Variants in CDH13 observed in about 807,000 individuals in gnomAD.
The protein encoded by CDH13 is cadherin-13.
CDH13 carries 24 observed loss-of-function variants against 63.8 expected under a neutral mutation model. The observed-to-expected ratio is 0.38, with a 90% CI of 0.27 to 0.53. CDH13 has a LOEUF of 0.53. CDH13 is among the 20% of genes least tolerant of loss of function. The pLI is 0.85. For synonymous variants in CDH13, 503 were observed against 355.3 expected (o/e 1.42, Z -4.67); for missense variants, 1,049 against 903.1 (o/e 1.16, Z -2.07).
intron 1 of CDH13, among the ~76,000 whole-genome samples, chr16:82,775,504 A>T (rs540321617): frequency 6.6e-6 from 1 of 152,322 alleles, no homozygotes; most frequent in Non-Finnish European, 1.5e-5. Context: ...GACACCTTGG[A>T]AAGATGAGCT....
chr16:83,073,327 G>C (rs1336954392), intron 3 of CDH13, among the ~76,000 whole-genome samples: 1 of 129,870 alleles, frequency 7.7e-6, no homozygotes, highest in East Asian at 2.1e-4. Flanking sequence ...GTGTCTGTGT[G>C]TGTGTGTGTG....
intron 2 of CDH13, among the ~76,000 whole-genome samples, chr16:82,945,027 T>G (rs1011355961): frequency 3.3e-5 from 5 of 152,246 alleles, no homozygotes; most frequent in Non-Finnish European, 1.5e-5. Context: ...GCTGTCATTT[T>G]CTTTGAGCTT....
rs535389354 is a variant in CDH13 at position 83,620,511 on chromosome 16, C to T, written c.1101+17917C>T. ...AATGGCTAGGAGATTGCTGGGGATG[C>T]CAACAGCATGAGACCCAACACCTAT... On this transcript the variant is annotated intron_variant, in intron 8 of 13. Coordinates refer to ENST00000567109, the MANE Select transcript of CDH13 (RefSeq NM_001257.5). Among the ~76,000 whole-genome samples the T allele has an allele frequency of 3.1e-4, 47 of 152,172 alleles. 1 individual carries two copies. The East Asian group carries it at 8.7e-3, about 28-fold the overall frequency.
At chr16:83,699,548 G>C (rs977774464) in intron 10 of CDH13, among the ~76,000 whole-genome samples, 1 of 152,110 alleles carries the variant, frequency 6.6e-6, no homozygotes, top group African/African-American at 2.4e-5. Context: ...CCATTTCTTA[G>C]CTGTCTCAAT....
chr16:83,648,673 C>A (rs541749149), intron 8 of CDH13, among the ~76,000 whole-genome samples: 1 of 152,156 alleles, frequency 6.6e-6, no homozygotes, highest in Non-Finnish European at 1.5e-5. Context: ...GCTCTTGATT[C>A]GCTCAGATTT....
At chr16:83,401,751 T>G (rs1414135995) in intron 6 of CDH13, among the ~76,000 whole-genome samples, 1 of 152,206 alleles carries the variant, frequency 6.6e-6, no homozygotes, top group African/African-American at 2.4e-5. Context: ...GAACCCAATC[T>G]GTTAAACAGT....
chr16:83,680,316 T>A (rs1915302335), intron 10 of CDH13, among the ~76,000 whole-genome samples: 1 of 152,136 alleles, frequency 6.6e-6, no homozygotes, highest in African/African-American at 2.4e-5. Flanking sequence ...GCACCTTGGC[T>A]AGTGATCAAC....
chr16:83,191,530 C>CACAT (rs1334419994), intron 4 of CDH13, among the ~76,000 whole-genome samples: 78 of 74,368 alleles, frequency 1.0e-3, no homozygotes, highest in Admixed American at 2.4e-3. Context: ...CACACACACA[C>CACAT]ATATATATAT....
At chr16:82,684,572 TG>T (rs774870733) in intron 1 of CDH13, among the ~76,000 whole-genome samples, 1 of 152,216 alleles carries the variant, frequency 6.6e-6, no homozygotes, top group East Asian at 1.9e-4. Flanking sequence ...AGTCAGGATC[TG>T]GGGAGCTACC....
intron 4 of CDH13, among the ~76,000 whole-genome samples, chr16:83,205,503 G>A (rs1253789763): frequency 6.6e-6 from 1 of 151,908 alleles, no homozygotes; most frequent in East Asian, 1.9e-4. Flanking sequence ...AAGGCCATGA[G>A]TACTCTGGAA....
At chr16:83,447,710 G>C (rs2072753171) in intron 6 of CDH13, among the ~76,000 whole-genome samples, 1 of 150,962 alleles carries the variant, frequency 6.6e-6, no homozygotes, top group Non-Finnish European at 1.5e-5. Flanking sequence ...TGTGAAGTTA[G>C]AGATAATCAT....
At chr16:82,766,077 C>T (rs778511937) in intron 1 of CDH13, among the ~76,000 whole-genome samples, 13 of 152,180 alleles carry the variant, frequency 8.5e-5, no homozygotes, top group African/African-American at 2.2e-4. Context: ...GCCCTAAGAA[C>T]GGGCTGCCCC....
chr16:82,861,454 G>A (rs1306783026), intron 2 of CDH13, among the ~76,000 whole-genome samples: 1 of 152,178 alleles, frequency 6.6e-6, no homozygotes, highest in African/African-American at 2.4e-5. Context: ...CCCTACCCTA[G>A]ACTTGTGTTC....
intron 5 of CDH13, among the ~76,000 whole-genome samples, chr16:83,235,837 A>C (rs139690235): frequency 1.4e-4 from 22 of 152,264 alleles, no homozygotes; most frequent in African/African-American, 5.1e-4. Flanking sequence ...TTTCTCAAAG[A>C]CACTTTTTTC....
At chr16:83,454,772 T>A (rs2151515360) in intron 6 of CDH13, among the ~76,000 whole-genome samples, 1 of 152,222 alleles carries the variant, frequency 6.6e-6, no homozygotes, top group Middle Eastern at 3.4e-3. Flanking sequence ...AGTGGCATGA[T>A]CTCAGCTCAC....
chr16:82,965,392 A>G (rs1277712006), intron 2 of CDH13, among the ~76,000 whole-genome samples: 1 of 152,206 alleles, frequency 6.6e-6, no homozygotes, highest in Non-Finnish European at 1.5e-5. Context: ...TAAGTTTTCT[A>G]TGGAGTATTT....
intron 2 of CDH13, among the ~76,000 whole-genome samples, chr16:82,988,514 C>T (rs1911238052): frequency 2.0e-5 from 3 of 152,054 alleles, no homozygotes; most frequent in Non-Finnish European, 2.9e-5. Context: ...GTAATCCCAG[C>T]AGTTTGGGAG....
At chr16:82,775,591 T>G (rs941172315) in intron 1 of CDH13, among the ~76,000 whole-genome samples, 11 of 152,182 alleles carry the variant, frequency 7.2e-5, no homozygotes, top group Admixed American at 6.5e-5. Flanking sequence ...CCCCATTTTA[T>G]AGCAGAGGAA....
At chr16:83,509,972 G>A (rs1271144027) in intron 7 of CDH13, among the ~76,000 whole-genome samples, 1 of 152,176 alleles carries the variant, frequency 6.6e-6, no homozygotes, top group Admixed American at 6.5e-5. Context: ...TGGTATTGTA[G>A]CCAGCGTACC....
Sources: gnomAD v4.1 joint callset for allele counts (sites outside exome capture counted in the v4.1 genomes callset) on GRCh38, gnomAD v4.1.1 for gene constraint, MANE v1.5 for transcripts, NCBI Gene and HGNC (gene_info 2026-07-23, HGNC 2026-07-21) for gene names.